The following TRIM24 variants were observed in gnomAD, a reference collection of about 807,000 sequenced individuals.
TRIM24 encodes the protein transcription intermediary factor 1-alpha.
A neutral mutation model predicts 123.9 loss-of-function variants in TRIM24; 29 were observed. The ratio of observed to expected loss-of-function variants is 0.23; its 90% CI spans 0.17 to 0.32. The LOEUF (loss-of-function observed/expected upper bound fraction) is 0.32, where lower values mean the gene tolerates loss of function less well. Ranked by LOEUF, TRIM24 falls within the 10% of genes least tolerant of loss-of-function variation. The pLI is 1.00. For missense variants in TRIM24, 932 were observed against 1,295.3 expected (o/e 0.72, Z 4.31); for synonymous variants, 456 against 461.1 (o/e 0.99, Z 0.14).
chr7:138,462,487 C>A (rs999576464), intron 1 of TRIM24, among the ~76,000 whole-genome samples: 1 of 151,164 alleles, frequency 6.6e-6, no homozygotes, highest in African/African-American at 2.4e-5. Flanking sequence ...ACTACAGGCG[C>A]CCGCTACCAC....
At chr7:138,516,233 C>T (rs1796391639) in intron 3 of TRIM24, among the ~76,000 whole-genome samples, 1 of 152,098 alleles carries the variant, frequency 6.6e-6, no homozygotes. Flanking sequence ...ACCCGGGAGG[C>T]GGAGCTTGCG....
intron 7 of TRIM24, among the ~76,000 whole-genome samples, chr7:138,549,301 G>A (rs77810731): frequency 2.6e-5 from 4 of 152,142 alleles, no homozygotes; most frequent in African/African-American, 9.7e-5. Flanking sequence ...TAGAGGAAGG[G>A]AGAAGTCAAA....
chr7:138,497,375 A>G (rs1795932636), intron 1 of TRIM24, among the ~76,000 whole-genome samples: 1 of 147,774 alleles, frequency 6.8e-6, no homozygotes, highest in African/African-American at 2.5e-5. Context: ...GCCGATGGGA[A>G]GGTTTCAATT....
chr7:138,540,704 C>T (rs1796985985), intron 7 of TRIM24, among the ~76,000 whole-genome samples: 1 of 152,200 alleles, frequency 6.6e-6, no homozygotes, highest in South Asian at 2.1e-4. Flanking sequence ...ATTTTTGTCT[C>T]CTCCCATGAA....
Position 138,465,663 on chromosome 7 carries a change from CATG to C in TRIM24, c.364+4753_364+4755del, listed in dbSNP as rs143989950. 4.2e-3 allele frequency among the ~76,000 whole-genome samples: 646 copies of C among 152,274 alleles called. 6 individuals carry two copies. Among genetic ancestry groups the C allele is most frequent in the African/African-American group, 0.015 (631 of 41,554 alleles). On this transcript the variant is annotated intron_variant, in intron 1 of 18. Transcript: ENST00000343526. ...TCTTGGCAAAAAGTATAAATCATCT[CATG>C]AGTGCAATCTTTAATGGCAAAGGAT... is the stretch of plus-strand genomic sequence containing the variant.
chr7:138,543,745 G>T (rs1214883824), intron 7 of TRIM24, among the ~76,000 whole-genome samples: 1 of 152,082 alleles, frequency 6.6e-6, no homozygotes, highest in African/African-American at 2.4e-5. Flanking sequence ...TATGTGTATG[G>T]TAAGAACACC....
intron 6 of TRIM24, among the ~76,000 whole-genome samples, chr7:138,530,775 GT>G (rs893424091): frequency 2.6e-5 from 4 of 151,462 alleles, no homozygotes; most frequent in East Asian, 3.9e-4. Flanking sequence ...CCCCCCCTTT[GT>G]TTTTTTTGGA....
chr7:138,563,850 G>A (rs1480977951), intron 9 of TRIM24, among the ~76,000 whole-genome samples: 6 of 152,082 alleles, frequency 3.9e-5, no homozygotes, highest in Non-Finnish European at 7.4e-5. Flanking sequence ...AGTGCTTCTC[G>A]GTACCTCTGT....
intron 9 of TRIM24, among the ~76,000 whole-genome samples, chr7:138,566,925 T>C (rs1797546955): frequency 6.6e-6 from 1 of 152,232 alleles, no homozygotes; most frequent in Non-Finnish European, 1.5e-5. Flanking sequence ...TTGTTAATCT[T>C]GAGCAAGTTA....
chr7:138,535,233 T>C (rs934859960), intron 6 of TRIM24, among the ~76,000 whole-genome samples: 4 of 152,214 alleles, frequency 2.6e-5, no homozygotes, highest in Non-Finnish European at 5.9e-5. Context: ...TTAATATTGT[T>C]ATGTGTGAAT....
At chr7:138,578,038 C>T (rs2116685567) in intron 14 of TRIM24, among the ~76,000 whole-genome samples, 1 of 151,914 alleles carries the variant, frequency 6.6e-6, no homozygotes. Context: ...CCCAGTACAG[C>T]AGCAGCAGCA....
At chr7:138,510,985 T>G (rs546604567) in intron 2 of TRIM24, among the ~76,000 whole-genome samples, 3 of 152,272 alleles carry the variant, frequency 2.0e-5, no homozygotes, top group Non-Finnish European at 2.9e-5. Flanking sequence ...TTATGGATTA[T>G]CCTTCCTTTT....
At chr7:138,509,530 C>T (rs1222937978) in intron 2 of TRIM24, among the ~76,000 whole-genome samples, 1 of 149,118 alleles carries the variant, frequency 6.7e-6, no homozygotes, top group Non-Finnish European at 1.5e-5. Flanking sequence ...GGTGAAAGCC[C>T]GTCTCTACTA....
intron 6 of TRIM24, among the ~76,000 whole-genome samples, chr7:138,533,009 CTGTT>C (rs1235250779): frequency 3.3e-5 from 5 of 152,250 alleles, no homozygotes; most frequent in East Asian, 1.9e-4. Flanking sequence ...ATTTGGCTCT[CTGTT>C]TGTCTGTTAT....
intron 17 of TRIM24, among the ~76,000 whole-genome samples, chr7:138,582,281 G>A (rs192107594): frequency 2.6e-5 from 4 of 152,258 alleles, no homozygotes; most frequent in South Asian, 2.1e-4. Context: ...GGTGGCTCAC[G>A]CCTATAATCC....
chr7:138,532,198 G>A lies in TRIM24; in HGVS notation c.996+2968G>A, dbSNP rs373677095. Among the ~76,000 whole-genome samples the A allele has an allele frequency of 6.6e-5, 10 of 151,862 alleles. No homozygotes were observed. In the South Asian group the frequency reaches 2.1e-3, roughly 31 times the overall value. ...CACTCTGATGGTAGTTTCTTTTGCT[G>A]TGTAGAAGCTCTTTAGTTTAATTAG... On this transcript the variant is annotated intron_variant, in intron 6 of 18. Transcript: ENST00000343526.
At chr7:138,563,738 C>G (rs1797475614) in intron 9 of TRIM24, among the ~76,000 whole-genome samples, 1 of 152,216 alleles carries the variant, frequency 6.6e-6, no homozygotes, top group African/African-American at 2.4e-5. Flanking sequence ...CTCACAGAGT[C>G]TCTCATAAAA....
chr7:138,508,730 T>TGTGTGTGTGTGC (rs1796221793), intron 2 of TRIM24, among the ~76,000 whole-genome samples: 1 of 149,962 alleles, frequency 6.7e-6, no homozygotes, highest in East Asian at 2.0e-4. Context: ...CGTGTGTGTG[T>TGTGTGTGTGTGC]GTGTGTGTGT....
intron 7 of TRIM24, among the ~76,000 whole-genome samples, chr7:138,543,332 G>A (rs762393189): frequency 1.3e-5 from 2 of 152,168 alleles, no homozygotes; most frequent in Non-Finnish European, 2.9e-5. Context: ...TGGAACCCAA[G>A]TGAGCACTGA....
Sources: gnomAD v4.1 joint callset for allele counts (sites outside exome capture counted in the v4.1 genomes callset) on GRCh38, gnomAD v4.1.1 for gene constraint, MANE v1.5 for transcripts, NCBI Gene and HGNC (gene_info 2026-07-23, HGNC 2026-07-21) for gene names.